CLNK: variants seen among roughly 807,000 people sequenced by gnomAD.
The protein encoded by CLNK is cytokine dependent hematopoietic cell linker.
Under a neutral mutation model 68.6 loss-of-function variants are expected in CLNK, and 74 were observed. The ratio of observed to expected loss-of-function variants is 1.08; its 90% confidence interval spans 0.89 to 1.31. The LOEUF (loss-of-function observed/expected upper bound fraction) is 1.31. Ranked by LOEUF, CLNK falls within the 50% of genes most tolerant of loss-of-function variation. CLNK has a pLI of 0.00. For missense variants in CLNK, 553 were observed against 515.3 expected, an observed-to-expected ratio of 1.07 and a Z score of -0.71; for synonymous variants, 198 against 172.2, an observed-to-expected ratio of 1.15 and a Z score of -1.17.
rs114214364 is a variant in CLNK at position 10,556,050 on chromosome 4, A to G, written c.445+2357T>C. 3.4e-3 allele frequency among the ~76,000 whole-genome samples: 517 copies of G among 152,328 alleles called. 2 individuals carry two copies. The highest frequency in any genetic ancestry group is 5.7e-3 in the Non-Finnish European group (391 of 68,024). ...CCTCTCTGAGCCTTGCTTTCACTGA[A>G]GTCCTCTTTGCAGTTGTGGCCTCAG... On this transcript the variant is annotated intron_variant, in intron 8 of 18. Transcript: ENST00000226951.
chr4:10,723,871 A>G, the CLNK span, among the ~76,000 whole-genome samples: 3 of 53,626 alleles, frequency 5.6e-5, no homozygotes, highest in African/African-American at 1.4e-4. Context: ...GTCTGAGAAT[A>G]ACACAGGAGT....
At chr4:10,672,200 TA>T (rs766038259) in intron 1 of CLNK, among the ~76,000 whole-genome samples, 9 of 152,166 alleles carry the variant, frequency 5.9e-5, no homozygotes, top group Non-Finnish European at 1.3e-4. Context: ...CACTATGGGA[TA>T]AATTGCTTGT....
intron 8 of CLNK, among the ~76,000 whole-genome samples, chr4:10,546,544 A>T (rs899945875): frequency 3.5e-4 from 53 of 152,330 alleles, no homozygotes; most frequent in Non-Finnish European, 5.1e-4. Context: ...TTCTTGTCAC[A>T]ACCACCTATC....
At chr4:10,721,000 T>C in the CLNK span, among the ~76,000 whole-genome samples, 1 of 152,170 alleles carries the variant, frequency 6.6e-6, no homozygotes. Context: ...AAGGAATGAA[T>C]TGTTAATACA....
At chr4:10,626,145 C>T (rs575417420) in intron 2 of CLNK, among the ~76,000 whole-genome samples, 11 of 152,196 alleles carry the variant, frequency 7.2e-5, no homozygotes, top group Non-Finnish European at 1.5e-4. Flanking sequence ...CAGTGTCCGC[C>T]TGCCCAGTAC....
chr4:10,518,868 T>C (rs1717945539), intron 15 of CLNK, among the ~76,000 whole-genome samples: 1 of 152,200 alleles, frequency 6.6e-6, no homozygotes. Flanking sequence ...TCTAGGAGTG[T>C]AGAGACTGCG....
chr4:10,661,067 C>T (rs1270692721), intron 2 of CLNK, among the ~76,000 whole-genome samples: 1 of 152,144 alleles, frequency 6.6e-6, no homozygotes, highest in African/African-American at 2.4e-5. Context: ...GCCAAAATTG[C>T]TTGTTCTCAT....
chr4:10,628,019 C>T (rs1052792071), intron 2 of CLNK, among the ~76,000 whole-genome samples: 1 of 152,198 alleles, frequency 6.6e-6, no homozygotes, highest in South Asian at 2.1e-4. Flanking sequence ...CTAGTGAGAC[C>T]GCCACCTCTC....
intron 11 of CLNK, 105 bp from the exon 12 acceptor site, chr4:10,532,388 T>A: frequency 1.2e-6 from 1 of 868,304 alleles, no homozygotes; most frequent in Non-Finnish European, 1.9e-6. Context: ...CATTGCCAAA[T>A]TAACAGCCCA....
At chr4:10,683,737 C>T (rs756650364) in intron 1 of CLNK, among the ~76,000 whole-genome samples, 3 of 152,160 alleles carry the variant, frequency 2.0e-5, no homozygotes, top group Admixed American at 6.5e-5. Flanking sequence ...TCTGGTAGGC[C>T]TTCAATTAAC....
At chr4:10,699,282 A>ATG in the CLNK span, among the ~76,000 whole-genome samples, 6 of 56,518 alleles carry the variant, frequency 1.1e-4, no homozygotes, top group African/African-American at 3.4e-4. Flanking sequence ...CACACACCAC[A>ATG]TACGTGTATA....
chr4:10,693,164 G>A, the CLNK span, among the ~76,000 whole-genome samples: 4 of 152,216 alleles, frequency 2.6e-5, no homozygotes, highest in Admixed American at 1.3e-4. Context: ...TGGTAACAAT[G>A]AATGTAAAAG....
the CLNK span, among the ~76,000 whole-genome samples, chr4:10,715,315 G>C: frequency 0.42 from 64,258 of 152,016 alleles, 14,596 homozygotes; most frequent in East Asian, 0.58. Context: ...TTTATTGTCC[G>C]TGTGTTTAAT....
At position 10,506,381 on chromosome 4, in the gene CLNK, C is replaced by A. The variant is rs75748602; in HGVS notation, c.984+1578G>T. Among the ~76,000 whole-genome samples the A allele has an allele frequency of 5.0e-3, 763 of 152,298 alleles. 9 individuals are homozygous for A. The highest frequency in any genetic ancestry group is 0.017 in the African/African-American group (722 of 41,558). On this transcript the variant is annotated intron_variant, in intron 17 of 18. Transcript: ENST00000226951. ...CACACCAGTGAGATGCAGCCCCTGG[C>A]AGCCTGGGTTTATCCACCCAAACCC... is the stretch of plus-strand genomic sequence containing the variant.
intron 11 of CLNK, among the ~76,000 whole-genome samples, chr4:10,537,390 A>G (rs1379380314): frequency 2.0e-5 from 3 of 152,178 alleles, no homozygotes; most frequent in Admixed American, 2.0e-4. Flanking sequence ...AGTCAGGAGA[A>G]TCAATTGAAC....
At chr4:10,675,647 G>C (rs939184008) in intron 1 of CLNK, among the ~76,000 whole-genome samples, 1 of 152,086 alleles carries the variant, frequency 6.6e-6, no homozygotes. Context: ...CCAAACATTA[G>C]TTATTTATTC....
At chr4:10,631,611 A>G (rs1449511758) in intron 2 of CLNK, among the ~76,000 whole-genome samples, 1 of 152,128 alleles carries the variant, frequency 6.6e-6, no homozygotes, top group Non-Finnish European at 1.5e-5. Context: ...AATTTTAAAC[A>G]TTACAGAACA....
At chr4:10,526,656 G>T (rs1458048992) in intron 13 of CLNK, among the ~76,000 whole-genome samples, 1 of 152,104 alleles carries the variant, frequency 6.6e-6, no homozygotes, top group Non-Finnish European at 1.5e-5. Context: ...GAGCTCCTAG[G>T]GTTCTCACGT....
At chr4:10,556,333 C>T (rs1346223929) in intron 8 of CLNK, among the ~76,000 whole-genome samples, 2 of 152,044 alleles carry the variant, frequency 1.3e-5, no homozygotes, top group Admixed American at 6.5e-5. Flanking sequence ...GTGATGTGTG[C>T]CTAAGGATCT....
Sources: allele counts gnomAD v4.1 joint callset (sites outside exome capture counted in the v4.1 genomes callset), GRCh38; gene constraint gnomAD v4.1.1; transcripts MANE v1.5; gene names NCBI Gene and HGNC (gene_info 2026-07-23, HGNC 2026-07-21).